GLRA2: variants seen among roughly 807,000 people sequenced by gnomAD.
GLRA2 encodes the protein glycine receptor alpha 2, also known as glycine receptor subunit alpha-2.
A neutral mutation model predicts 31.6 loss-of-function variants in GLRA2; 11 were observed. That is an observed-to-expected ratio of 0.35 (90% CI 0.22 to 0.58). The LOEUF is 0.58. Among genes scored for constraint, GLRA2 ranks in the 20% least tolerant of loss-of-function variants. The probability of loss-of-function intolerance (pLI) is 0.84; values close to 1 mark genes in which losing one functional copy is unlikely to be tolerated. For synonymous variants in GLRA2, 132 were observed against 134.0 expected (o/e 0.99, Z 0.10); for missense variants, 212 against 351.8 (o/e 0.60, Z 3.18).
At chrX:14,507,704 TTTTTTTTTG>T in the GLRA2 span, among the ~76,000 whole-genome samples, 2 of 79,988 alleles carry the variant, frequency 2.5e-5, no homozygotes, top group African/African-American at 9.3e-5. Flanking sequence ...TTTTTTTTTT[TTTTTTTTTG>T]GAGACAGAGT....
At position 14,550,548 on chromosome X, in the gene GLRA2, G is replaced by A. The variant is rs566536098; in HGVS notation, c.202+18176G>A. Among the ~76,000 whole-genome samples the A allele has an allele frequency of 1.4e-3, 157 of 110,957 alleles. 1 individual carries two copies. Among genetic ancestry groups the A allele is most frequent in the Middle Eastern group, 0.014 (3 of 213 alleles). On this transcript the variant is annotated intron_variant, in intron 2 of 8. Coordinates refer to ENST00000218075, the MANE Select transcript of GLRA2 (RefSeq NM_002063.4). ...AAGTAGTATTCTGTCATCTGCCACA[G>A]AAGGGCTGCTGCCACAAGCATGGGC...
rs141439567 is a variant in GLRA2, at chrX:14,573,407, G to A, written c.203-926G>A. On this transcript the variant is annotated intron_variant, in intron 2 of 8. Transcript: ENST00000218075. ...GCCAACTAGGGTGTTTCTTGCACTG[G>A]GCTGCTGATCCTTTGTTGCATGAAG... Among the ~76,000 whole-genome samples, 70 of 111,866 alleles carry A rather than the reference G, an allele frequency of 6.3e-4. No homozygotes were observed. The East Asian group carries it at 0.019, about 31-fold the overall frequency.
At chrX:14,685,424 C>T (rs1242966858) in intron 7 of GLRA2, among the ~76,000 whole-genome samples, 1 of 111,452 alleles carries the variant, frequency 9.0e-6, no homozygotes, top group Non-Finnish European at 1.9e-5. Flanking sequence ...TGGTAGAATT[C>T]GGCTGTGAAT....
intron 8 of GLRA2, among the ~76,000 whole-genome samples, chrX:14,718,931 A>AC (rs1374423257): frequency 2.7e-5 from 3 of 111,738 alleles, no homozygotes; most frequent in Non-Finnish European, 5.6e-5. Context: ...GGGGACATAG[A>AC]CCCCTAACTC....
the GLRA2 span, among the ~76,000 whole-genome samples, chrX:14,480,892 G>A: frequency 8.1e-5 from 9 of 111,085 alleles, no homozygotes; most frequent in Admixed American, 3.8e-4. Context: ...TTTTAGAGTC[G>A]TTTTTTTCTA....
At chrX:14,549,443 T>C (rs1402788089) in intron 2 of GLRA2, among the ~76,000 whole-genome samples, 1 of 111,387 alleles carries the variant, frequency 9.0e-6, no homozygotes, top group Non-Finnish European at 1.9e-5. Flanking sequence ...AAGATACCTT[T>C]CAAAGGATAT....
the GLRA2 span, among the ~76,000 whole-genome samples, chrX:14,457,677 T>C: frequency 2.7e-5 from 3 of 111,480 alleles, no homozygotes; most frequent in Non-Finnish European, 1.9e-5. Flanking sequence ...CATGTGTCTT[T>C]ATAGTAGAAT....
At chrX:14,543,764 A>G (rs1162455330) in intron 2 of GLRA2, among the ~76,000 whole-genome samples, 7 of 112,083 alleles carry the variant, frequency 6.2e-5, no homozygotes, top group African/African-American at 2.3e-4. Context: ...CTTAATATCC[A>G]TTAGCATATT....
intron 3 of GLRA2, among the ~76,000 whole-genome samples, chrX:14,575,206 T>G (rs1363865280): frequency 3.7e-5 from 4 of 108,093 alleles, no homozygotes; most frequent in Non-Finnish European, 7.7e-5. Flanking sequence ...CAGTGCATTT[T>G]TTTTTTTTTT....
chrX:14,532,178 A>G, intron 1 of GLRA2, 61 bp from the exon 2 acceptor site: 1 of 807,059 alleles, frequency 1.2e-6, no homozygotes, highest in Non-Finnish European at 1.7e-6. Context: ...AAATGCAGTG[A>G]GCGTTAGCTC....
the GLRA2 span, among the ~76,000 whole-genome samples, chrX:14,499,034 C>T: frequency 8.9e-6 from 1 of 112,077 alleles, no homozygotes; most frequent in Admixed American, 9.4e-5. Context: ...TAGATAAATT[C>T]CATATCTTGG....
At chrX:14,666,055 A>G (rs1007807489) in intron 7 of GLRA2, among the ~76,000 whole-genome samples, 1 of 93,874 alleles carries the variant, frequency 1.1e-5, no homozygotes, top group Admixed American at 1.1e-4. Flanking sequence ...TACACAAAAT[A>G]CATAATAATT....
At chrX:14,575,910 T>G (rs113838581) in intron 3 of GLRA2, among the ~76,000 whole-genome samples, 3 of 111,610 alleles carry the variant, frequency 2.7e-5, no homozygotes, top group African/African-American at 9.8e-5. Context: ...TTATTTACTT[T>G]AAGTCCTAAA....
At chrX:14,613,126 G>A (rs144119906) in intron 7 of GLRA2, among the ~76,000 whole-genome samples, 2,067 of 111,291 alleles carry the variant, frequency 0.019, 21 homozygotes, top group Admixed American at 0.028. Context: ...AAATGAGGAT[G>A]AGATGAAGCA....
At chrX:14,474,218 T>G in the GLRA2 span, among the ~76,000 whole-genome samples, 6 of 111,721 alleles carry the variant, frequency 5.4e-5, no homozygotes, top group African/African-American at 2.0e-4. Flanking sequence ...CACCGGGCTC[T>G]TCACAGATTA....
At chrX:14,708,586 G>A (rs1462497995) in intron 8 of GLRA2, among the ~76,000 whole-genome samples, 1 of 111,783 alleles carries the variant, frequency 8.9e-6, no homozygotes, top group African/African-American at 3.3e-5. Context: ...TTCAAGCTGT[G>A]TCATCCTCAG....
At chrX:14,501,458 A>G in the GLRA2 span, among the ~76,000 whole-genome samples, 1 of 111,255 alleles carries the variant, frequency 9.0e-6, no homozygotes, top group African/African-American at 3.3e-5. Flanking sequence ...TGTTCCATCC[A>G]GTACAACCCC....
At chrX:14,696,206 T>TGGAGGGAGAGTGCGAGGGAG (rs2091444007) in intron 8 of GLRA2, among the ~76,000 whole-genome samples, 1 of 31,770 alleles carries the variant, frequency 3.1e-5, no homozygotes, top group Non-Finnish European at 5.5e-5. Context: ...GAGAATGGGA[T>TGGAGGGAGAGTGCGAGGGAG]GGAGGGAGAG....
At chrX:14,664,269 C>T (rs1223716718) in intron 7 of GLRA2, among the ~76,000 whole-genome samples, 1 of 111,476 alleles carries the variant, frequency 9.0e-6, no homozygotes, top group Non-Finnish European at 1.9e-5. Context: ...TCATGCTTTC[C>T]CCAGAAAGCA....
Sources: gnomAD v4.1 joint callset for allele counts (sites outside exome capture counted in the v4.1 genomes callset) on GRCh38, gnomAD v4.1.1 for gene constraint, MANE v1.5 for transcripts, NCBI Gene and HGNC (gene_info 2026-07-23, HGNC 2026-07-21) for gene names.